Variants in RSBN1L observed in about 807,000 individuals in gnomAD.
RSBN1L encodes the protein round spermatid basic protein 1 like, also known as lysine-specific demethylase RSBN1L.
In RSBN1L, 30 loss-of-function variants were observed where a neutral mutation model predicts 67.7. The ratio of observed to expected loss-of-function variants is 0.44; its 90% CI spans 0.33 to 0.60. RSBN1L has a LOEUF of 0.60. Among genes scored for constraint, RSBN1L ranks in the 20% least tolerant of loss-of-function variants. The probability of loss-of-function intolerance (pLI) is 0.02; values close to 1 mark genes in which losing one functional copy is unlikely to be tolerated. For missense variants in RSBN1L, 992 were observed against 1,031.7 expected (o/e 0.96, Z 0.53); for synonymous variants, 433 against 387.0 (o/e 1.12, Z -1.39).
chr7:77,734,553 A>G (rs1791308458), intron 1 of RSBN1L, among the ~76,000 whole-genome samples: 1 of 151,588 alleles, frequency 6.6e-6, no homozygotes, highest in East Asian at 1.9e-4. Context: ...CAGTGGCATG[A>G]TCTCGGCTCA....
chr7:77,760,391 G>A (rs1316526493), intron 3 of RSBN1L, among the ~76,000 whole-genome samples: 1 of 151,986 alleles, frequency 6.6e-6, no homozygotes, highest in Non-Finnish European at 1.5e-5. Flanking sequence ...TGAAAATGTG[G>A]CCATGATGGT....
chr7:77,770,719 A>G (rs115366275), intron 5 of RSBN1L, among the ~76,000 whole-genome samples: 3,022 of 152,288 alleles, frequency 0.02, 85 homozygotes, highest in African/African-American at 0.068. Context: ...GTTTTAAAAA[A>G]TGTCTTGATC....
At chr7:77,717,789 G>T (rs972954347) in intron 1 of RSBN1L, among the ~76,000 whole-genome samples, 14 of 152,136 alleles carry the variant, frequency 9.2e-5, no homozygotes, top group African/African-American at 3.4e-4. Flanking sequence ...AGGCTGAGGT[G>T]GGCGGATCAC....
At chr7:77,762,054 A>G (rs1791702867) in intron 3 of RSBN1L, among the ~76,000 whole-genome samples, 1 of 152,182 alleles carries the variant, frequency 6.6e-6, no homozygotes, top group Non-Finnish European at 1.5e-5. Flanking sequence ...TAGTGGGCAA[A>G]TGGCATCTAC....
chr7:77,767,600 C>CCT (rs1369047584), intron 4 of RSBN1L, among the ~76,000 whole-genome samples: 1 of 151,878 alleles, frequency 6.6e-6, no homozygotes, highest in Non-Finnish European at 1.5e-5. Flanking sequence ...GTCTCAAACT[C>CCT]CTGAGCTCAG....
chr7:77,732,348 T>C (rs1791282035), intron 1 of RSBN1L, among the ~76,000 whole-genome samples: 1 of 152,198 alleles, frequency 6.6e-6, no homozygotes, highest in Admixed American at 6.5e-5. Flanking sequence ...TCATTTTTTC[T>C]TTGAGACTGA....
In RSBN1L at chr7:77,781,164, A is replaced by C. The variant is rs1791993087; in HGVS notation, c.*1996A>C. The C allele has an allele frequency of 6.6e-6, 1 of 152,230 alleles. No individual in the cohort carries two copies. The highest frequency in any genetic ancestry group is 1.5e-5 in the Non-Finnish European group (1 of 68,042). 9.4% of individuals were successfully genotyped at this position (152,230 alleles called of 1,614,324 possible). On this transcript the variant is annotated 3_prime_UTR_variant, in exon 8 of 8. Coordinates refer to ENST00000334955, the MANE Select transcript of RSBN1L (RefSeq NM_198467.3). ...TGATGTCAGTTTTGGCCCCTAGTTT[A>C]ATAAAAGGATAGGCAAATATCATAG...
chr7:77,749,150 A>G (rs1450224923), intron 2 of RSBN1L, among the ~76,000 whole-genome samples: 1 of 152,154 alleles, frequency 6.6e-6, no homozygotes, highest in Admixed American at 6.5e-5. Flanking sequence ...GCTACTTGGG[A>G]GACTGAGGCA....
At chr7:77,754,279 A>T (rs2150427460) in intron 3 of RSBN1L, among the ~76,000 whole-genome samples, 1 of 152,232 alleles carries the variant, frequency 6.6e-6, no homozygotes, top group African/African-American at 2.4e-5. Flanking sequence ...TTACATTTCC[A>T]CATAAACTTT....
intron 4 of RSBN1L, among the ~76,000 whole-genome samples, chr7:77,766,892 A>G (rs1791772316): frequency 6.6e-6 from 1 of 151,936 alleles, no homozygotes; most frequent in Non-Finnish European, 1.5e-5. Flanking sequence ...TAGTTACATC[A>G]TGGAATTAGG....
intron 1 of RSBN1L, among the ~76,000 whole-genome samples, chr7:77,699,922 G>A (rs113426058): frequency 0.14 from 20,474 of 151,154 alleles, 2,321 homozygotes; most frequent in African/African-American, 0.31. Flanking sequence ...TCAGCCTCCC[G>A]AGTGGCTGGA....
At chr7:77,743,000 A>G (rs778003398) in intron 2 of RSBN1L, among the ~76,000 whole-genome samples, 36 of 152,152 alleles carry the variant, frequency 2.4e-4, no homozygotes, top group Non-Finnish European at 3.8e-4. Context: ...CAGGCATATT[A>G]TCTCTTCTGC....
At chr7:77,737,272 A>G (rs908746425) in intron 2 of RSBN1L, among the ~76,000 whole-genome samples, 2 of 152,162 alleles carry the variant, frequency 1.3e-5, no homozygotes, top group African/African-American at 2.4e-5. Context: ...CTAGCTAGCA[A>G]ATTTACTAGT....
intron 1 of RSBN1L, among the ~76,000 whole-genome samples, chr7:77,702,581 A>C (rs542510202): frequency 6.6e-6 from 1 of 151,946 alleles, no homozygotes. Flanking sequence ...GAAGGCTTTC[A>C]GTTTCTTCAG....
chr7:77,759,150 G>A (rs746468681), intron 3 of RSBN1L, among the ~76,000 whole-genome samples: 7 of 152,156 alleles, frequency 4.6e-5, no homozygotes, highest in Non-Finnish European at 7.3e-5. Flanking sequence ...TTGTGCTGGG[G>A]CCATTCACTG....
chr7:77,702,159 G>A (rs1248101904), intron 1 of RSBN1L, among the ~76,000 whole-genome samples: 2 of 150,372 alleles, frequency 1.3e-5, no homozygotes, highest in Non-Finnish European at 3.0e-5. Context: ...GTAGAGATAG[G>A]GTTTCACTGT....
At position 77,733,303 on chromosome 7, in the gene RSBN1L, T is replaced by G. The variant is rs570421649; in HGVS notation, c.587-3107T>G. On this transcript the variant is annotated intron_variant, in intron 1 of 7. Transcript: ENST00000334955. ...GTCACAAAAAAATGCCCTTTGTTTA[T>G]GTATAGATGGGATTATTTGTGTTTG... Among the ~76,000 whole-genome samples the G allele has an allele frequency of 2.6e-5, 4 of 152,304 alleles. No individual in the cohort carries two copies. In the East Asian group the frequency reaches 7.7e-4, roughly 29 times the overall value.
At chr7:77,749,236 A>G (rs565375106) in intron 2 of RSBN1L, among the ~76,000 whole-genome samples, 188 bp from the exon 3 acceptor site, 112 of 152,294 alleles carry the variant, frequency 7.4e-4, no homozygotes, top group African/African-American at 2.6e-3. Context: ...CCTGGGCGAC[A>G]GAGCAAGACT....
intron 2 of RSBN1L, among the ~76,000 whole-genome samples, chr7:77,743,477 T>TC (rs1439764679): frequency 1.4e-5 from 2 of 147,794 alleles, no homozygotes; most frequent in Non-Finnish European, 3.0e-5. Context: ...TTTTTTTTTT[T>TC]CTAAAGGAAT....
Sources: allele counts gnomAD v4.1 joint callset (sites outside exome capture counted in the v4.1 genomes callset), GRCh38; gene constraint gnomAD v4.1.1; transcripts MANE v1.5; gene names NCBI Gene and HGNC (gene_info 2026-07-23, HGNC 2026-07-21).